MACC1: variants seen among roughly 807,000 people sequenced by gnomAD.
MACC1 encodes MET transcriptional regulator MACC1.
Under a neutral mutation model 70.7 loss-of-function variants are expected in MACC1, and 79 were observed. The ratio of observed to expected loss-of-function variants is 1.12; its 90% CI spans 0.93 to 1.35. The LOEUF is 1.35. MACC1 is among the 40% of genes most tolerant of loss of function. The pLI, the probability that MACC1 is intolerant of heterozygous loss-of-function variation, is 0.00. For synonymous variants in MACC1, 361 were observed against 347.2 expected (o/e 1.04, Z -0.44); for missense variants, 1,106 against 978.1 (o/e 1.13, Z -1.74).
chr7:20,189,736 T>G lies in MACC1; in HGVS notation c.-217-18958A>C, dbSNP rs921505457. ...AGAGACAGAGACAGACAGACAGACATACACAAACACATAAACACACACACA... is the reference window on the plus strand; with the variant it reads ...AGAGACAGAGACAGACAGACAGACAGACACAAACACATAAACACACACACA... On this transcript the variant is annotated intron_variant, in intron 1 of 6. Coordinates refer to ENST00000400331, the MANE Select transcript of MACC1 (RefSeq NM_182762.4). 2.3e-4 allele frequency among the ~76,000 whole-genome samples: 30 copies of G among 129,854 alleles called. 1 individual carries two copies. Among genetic ancestry groups the G allele is most frequent in the Admixed American group, 2.2e-3 (27 of 12,348 alleles). The allele number at this position is 129,854 out of a possible 152,430, so 85.2% of individuals were successfully genotyped here. A position where few individuals can be genotyped will look rare whatever the true frequency, so the allele number is the denominator to read the frequency against.
At chr7:20,150,229 T>C (rs575693452) in intron 6 of MACC1, among the ~76,000 whole-genome samples, 1 of 152,300 alleles carries the variant, frequency 6.6e-6, no homozygotes, top group Admixed American at 6.5e-5. Context: ...ATAATCATAT[T>C]GTGTGTTTTT....
intron 1 of MACC1, among the ~76,000 whole-genome samples, chr7:20,195,298 G>C (rs1326012667): frequency 1.3e-5 from 2 of 152,126 alleles, no homozygotes; most frequent in Non-Finnish European, 2.9e-5. Flanking sequence ...CAGGATTTAT[G>C]AGCTTAGAAA....
intron 1 of MACC1, among the ~76,000 whole-genome samples, chr7:20,204,404 T>C (rs1056534269): frequency 1.3e-5 from 2 of 152,212 alleles, no homozygotes; most frequent in African/African-American, 4.8e-5. Flanking sequence ...TCCACCCGCC[T>C]TGGCCTCCCA....
intron 2 of MACC1, among the ~76,000 whole-genome samples, chr7:20,166,643 T>G (rs1156834507): frequency 1.3e-5 from 2 of 152,208 alleles, no homozygotes; most frequent in African/African-American, 4.8e-5. Flanking sequence ...GGCAAAGAGT[T>G]TCAGAAGATT....
chr7:20,165,391 A>G (rs1220025927), intron 2 of MACC1, among the ~76,000 whole-genome samples: 1 of 152,180 alleles, frequency 6.6e-6, no homozygotes, highest in Non-Finnish European at 1.5e-5. Context: ...TTCCCTAGCC[A>G]AATGGTTTCC....
At chr7:20,195,517 C>T (rs549765178) in intron 1 of MACC1, among the ~76,000 whole-genome samples, 4 of 152,230 alleles carry the variant, frequency 2.6e-5, no homozygotes, top group East Asian at 1.9e-4. Context: ...CTGACACATG[C>T]GTATTGAGCA....
At position 20,194,427 on chromosome 7, in the gene MACC1, T is replaced by C. The variant is rs1328578566; in HGVS notation, c.-218+22872A>G. 3.3e-5 allele frequency among the ~76,000 whole-genome samples: 5 copies of C among 152,260 alleles called. No individual in the cohort carries two copies. The East Asian group carries it at 7.7e-4, about 23-fold the overall frequency. ...ATGTGTTTGTTCTTTCTAGTTTTCA[T>C]TAGAAAGAAACACACGAAGAGGCAT... On this transcript the variant is annotated intron_variant, in intron 1 of 6. Coordinates refer to ENST00000400331, the MANE Select transcript of MACC1 (RefSeq NM_182762.4).
chr7:20,210,281 A>G (rs530308448), intron 1 of MACC1, among the ~76,000 whole-genome samples: 1 of 152,280 alleles, frequency 6.6e-6, no homozygotes, highest in South Asian at 2.1e-4. Flanking sequence ...TTTACCCAAA[A>G]AAGCATCTTA....
chr7:20,159,925 T>C lies in MACC1; in HGVS notation c.436A>G (p.Ile146Val). 1.2e-6 allele frequency: 2 copies of C among 1,614,154 alleles called. No homozygotes were observed. Among genetic ancestry groups the C allele is most frequent in the Non-Finnish European group, 1.7e-6 (2 of 1,180,024 alleles). Reference protein sequence around the residue: ...RSKSVSELLDILDDTAHAHQS... With the variant: ...RSKSVSELLDVLDDTAHAHQS... ...TGGGCATGTGCTGTGTCGTCTAAAA[T>C]GTCCAGAAGTTCTGAAACACTTTTA... The change falls in exon 5 of 7, where the codon ATT (isoleucine) becomes GTT (valine). Residue 146 changes from isoleucine to valine, a missense_variant. Physicochemically the swap from Ile to Val is conservative, Grantham distance 29. Coordinates refer to ENST00000400331, the MANE Select transcript of MACC1 (RefSeq NM_182762.4).
At chr7:20,162,448 T>G (rs1317528193) in intron 3 of MACC1, among the ~76,000 whole-genome samples, 1 of 152,176 alleles carries the variant, frequency 6.6e-6, no homozygotes, top group Non-Finnish European at 1.5e-5. Flanking sequence ...TAAGCTATTT[T>G]AATATTTACA....
rs1001808363 is a variant in MACC1, at chr7:20,135,024, G to T, written c.*5922C>A. On this transcript the variant is annotated 3_prime_UTR_variant, in exon 7 of 7. Coordinates refer to ENST00000400331, the MANE Select transcript of MACC1 (RefSeq NM_182762.4). ...TTTCTAATTCTACAGTGAAAGCAGG[G>T]CATATAGATAGCTGTATTGATCACA... 4 of 152,154 alleles carry T rather than the reference G, an allele frequency of 2.6e-5. No homozygotes were observed. Among genetic ancestry groups the T allele is most frequent in the African/African-American group, 4.8e-5 (2 of 41,422 alleles). The allele number at this position is 152,154 out of a possible 1,614,324, so 9.4% of individuals were successfully genotyped here.
At chr7:20,181,610 T>C (rs985559418) in intron 1 of MACC1, among the ~76,000 whole-genome samples, 7 of 152,114 alleles carry the variant, frequency 4.6e-5, no homozygotes, top group Non-Finnish European at 8.8e-5. Flanking sequence ...GCCAACAACC[T>C]AGAAATAGAT....
At chr7:20,190,913 C>T (rs903346620) in intron 1 of MACC1, among the ~76,000 whole-genome samples, 1 of 152,162 alleles carries the variant, frequency 6.6e-6, no homozygotes, top group Non-Finnish European at 1.5e-5. Flanking sequence ...ACAATTGTTA[C>T]TATGTACACA....
chr7:20,170,377 C>A (rs1213499872), intron 2 of MACC1: 1 of 152,194 alleles, frequency 6.6e-6, no homozygotes, highest in African/African-American at 2.4e-5. Context: ...CTGTTTTTCA[C>A]TTCTGTGCCA....
At chr7:20,152,649 G>A (rs988188162) in intron 6 of MACC1, among the ~76,000 whole-genome samples, 1 of 152,132 alleles carries the variant, frequency 6.6e-6, no homozygotes, top group Admixed American at 6.6e-5. Context: ...GTGTTTATCA[G>A]CCTCAGGCAA....
chr7:20,147,269 G>A (rs1024231125), intron 6 of MACC1, among the ~76,000 whole-genome samples: 2 of 152,162 alleles, frequency 1.3e-5, no homozygotes, highest in South Asian at 4.1e-4. Flanking sequence ...CACATGAGTA[G>A]AAGAAATTCA....
At chr7:20,179,511 T>C (rs1283626330) in intron 1 of MACC1, among the ~76,000 whole-genome samples, 4 of 152,186 alleles carry the variant, frequency 2.6e-5, no homozygotes, top group Non-Finnish European at 5.9e-5. Context: ...GGTCACTAAA[T>C]GGTATTGCTT....
At chr7:20,174,132 A>G (rs575881118) in intron 1 of MACC1, among the ~76,000 whole-genome samples, 2 of 152,310 alleles carry the variant, frequency 1.3e-5, no homozygotes, top group Non-Finnish European at 2.9e-5. Context: ...AGCACTTAGC[A>G]TAATTCTAGA....
At chr7:20,208,548 G>C (rs1249897244) in intron 1 of MACC1, among the ~76,000 whole-genome samples, 1 of 152,144 alleles carries the variant, frequency 6.6e-6, no homozygotes, top group Admixed American at 6.5e-5. Flanking sequence ...TTGAACTTGA[G>C]AGAGATAATT....
Sources: allele counts gnomAD v4.1 joint callset (sites outside exome capture counted in the v4.1 genomes callset), GRCh38; gene constraint gnomAD v4.1.1; transcripts MANE v1.5; gene names NCBI Gene and HGNC (gene_info 2026-07-23, HGNC 2026-07-21).